SKP2: variants seen among roughly 807,000 people sequenced by gnomAD.
The protein encoded by SKP2 is S-phase kinase-associated protein 2.
Under a neutral mutation model 51.8 loss-of-function variants are expected in SKP2, and 16 were observed. That is an observed-to-expected ratio of 0.31 (90% CI 0.21 to 0.47). The LOEUF is 0.47. Ranked by LOEUF, SKP2 falls within the 20% of genes least tolerant of loss-of-function variation. The pLI is 1.00. For synonymous variants in SKP2, 176 were observed against 198.6 expected, an observed-to-expected ratio of 0.89 and a Z score of 0.96; for missense variants, 377 against 505.3, an observed-to-expected ratio of 0.75 and a Z score of 2.43.
chr5:36,182,328 A>G lies in SKP2; in HGVS notation c.*297A>G. 2 of 1,131,650 alleles carry G rather than the reference A, an allele frequency of 1.8e-6. No individual in the cohort carries two copies. Among genetic ancestry groups the G allele is most frequent in the Non-Finnish European group, 2.2e-6 (2 of 921,908 alleles). 70.1% of individuals were successfully genotyped at this position (1,131,650 alleles called of 1,614,324 possible). A position where few individuals can be genotyped will look rare whatever the true frequency, so the allele number is the denominator to read the frequency against. ...GAGCAAAATTTGAGCCACCTCTTCCAAGTGCCCTTCTTACTAAGTCTATTC... is the reference window on the plus strand; with the variant it reads ...GAGCAAAATTTGAGCCACCTCTTCCGAGTGCCCTTCTTACTAAGTCTATTC... On this transcript the variant is annotated 3_prime_UTR_variant, in exon 10 of 10. Transcript: ENST00000274255.
At chr5:36,166,009 CTG>C (rs933942131) in intron 3 of SKP2, among the ~76,000 whole-genome samples, 7 of 152,144 alleles carry the variant, frequency 4.6e-5, no homozygotes, top group African/African-American at 1.4e-4. Context: ...TGAACCATGA[CTG>C]TTGCTATTGA....
rs139117177 is a variant in SKP2, at chr5:36,163,784, C to T, written c.392+28C>T. 1.5e-4 allele frequency: 215 copies of T among 1,397,448 alleles called. No homozygotes were observed. In the African/African-American group the frequency reaches 2.1e-3, roughly 13 times the overall value. The allele number at this position is 1,397,448 out of a possible 1,614,324, so 86.6% of individuals were successfully genotyped here. On this transcript the variant is annotated intron_variant, in intron 3 of 9. Coordinates refer to ENST00000274255, the MANE Select transcript of SKP2 (RefSeq NM_005983.4). ...AAGTATTTTTCACCCCTTTGGCAAA[C>T]GTAGGGGAGGAAGAGGAGAGGAAGG... is the stretch of plus-strand genomic sequence containing the variant.
At chr5:36,163,306 A>G (rs1278680097) in intron 2 of SKP2, among the ~76,000 whole-genome samples, 1 of 152,172 alleles carries the variant, frequency 6.6e-6, no homozygotes, top group African/African-American at 2.4e-5. Flanking sequence ...TCTTCATGCC[A>G]CAGCCTCCGA....
intron 7 of SKP2, among the ~76,000 whole-genome samples, chr5:36,173,293 G>A (rs1579568519): frequency 6.6e-6 from 1 of 152,114 alleles, no homozygotes; most frequent in Non-Finnish European, 1.5e-5. Context: ...CAAATCTTTA[G>A]ATGCATTTCT....
chr5:36,167,412 G>A (rs1745321179), intron 4 of SKP2, among the ~76,000 whole-genome samples: 1 of 152,090 alleles, frequency 6.6e-6, no homozygotes, highest in African/African-American at 2.4e-5. Flanking sequence ...GTCGGTTCCT[G>A]GCTGCCACCT....
intron 7 of SKP2, among the ~76,000 whole-genome samples, chr5:36,175,802 C>T (rs1280222006): frequency 4.0e-5 from 6 of 151,758 alleles, no homozygotes; most frequent in Admixed American, 6.6e-5. Flanking sequence ...GTGTATTTCA[C>T]GGAATGGATG....
intron 6 of SKP2, among the ~76,000 whole-genome samples, chr5:36,191,650 T>C (rs10512643): frequency 0.93 from 142,119 of 152,140 alleles, 66,791 homozygotes; most frequent in Non-Finnish European, 0.98. Context: ...CCATCCACAA[T>C]GTGCAGGATA....
At position 36,180,986 on chromosome 5, in the gene SKP2, A is replaced by G. The variant is rs116416896; in HGVS notation, c.1062-832A>G. 6.5e-3 allele frequency among the ~76,000 whole-genome samples: 992 copies of G among 152,320 alleles called. 13 individuals are homozygous for G. Among genetic ancestry groups the G allele is most frequent in the African/African-American group, 0.023 (950 of 41,564 alleles). On this transcript the variant is annotated intron_variant, in intron 9 of 9. Transcript: ENST00000274255. Reference sequence around the variant, plus strand: ...CTAGGCACATAGATCTGAGTTAAGAAGGAAAAAATCATTACCAACACCAAA... The same window carrying G: ...CTAGGCACATAGATCTGAGTTAAGAGGGAAAAAATCATTACCAACACCAAA...
Position 36,171,651 on chromosome 5 carries a change from T to C in SKP2, c.819T>C (p.His273=), listed in dbSNP as rs144572232. The change falls in exon 7 of 10, where the codon CAT becomes CAC. Residue 273 remains histidine (H), a synonymous_variant. Transcript: ENST00000274255. ...GGTGTTTTGATTTCACTGAAAAGCATGTACAGGTGGCTGTTGCGCATGTGT... is the reference window on the plus strand; with the variant it reads ...GGTGTTTTGATTTCACTGAAAAGCACGTACAGGTGGCTGTTGCGCATGTGT... ...LSWCFDFTEK[H]VQVAVAHVSE... 1.4e-3 allele frequency: 2,287 copies of C among 1,613,832 alleles called. 2 individuals carry two copies. Among genetic ancestry groups the C allele is most frequent in the Non-Finnish European group, 1.6e-3 (1,896 of 1,179,742 alleles).
chr5:36,167,794 A>G (rs1022966328), intron 4 of SKP2, among the ~76,000 whole-genome samples: 3 of 151,954 alleles, frequency 2.0e-5, no homozygotes, highest in African/African-American at 4.8e-5. Context: ...AATTTTTTGT[A>G]TTTTTAGTAG....
Position 36,168,357 on chromosome 5 carries a change from A to G in SKP2, c.581A>G (p.Glu194Gly). The part of the protein sequence containing the change: ...QHMDLSNSVI[E>G]VSTLHGILSQ... Reference sequence around the variant, plus strand: ...ATGGACCTATCGAACTCAGTTATAGAAGTGTCCACCCTCCACGGCATACTG... The same window carrying G: ...ATGGACCTATCGAACTCAGTTATAGGAGTGTCCACCCTCCACGGCATACTG... The change falls in exon 5 of 10, where the codon GAA (glutamate) becomes GGA (glycine). Residue 194 changes from glutamate (E) to glycine (G), a missense_variant. This residue lies in a region of SKP2 where 262 missense variants were observed against 389.8 expected (regional missense o/e 0.67). Coordinates refer to ENST00000274255, the MANE Select transcript of SKP2 (RefSeq NM_005983.4). The G allele has an allele frequency of 1.2e-6, 2 of 1,614,118 alleles. No homozygotes were observed. Among genetic ancestry groups the G allele is most frequent in the South Asian group, 2.2e-5 (2 of 91,080 alleles).
intron 1 of SKP2, 22 bp downstream of exon 1, chr5:36,152,292 G>C: frequency 6.2e-7 from 1 of 1,611,012 alleles, no homozygotes; most frequent in Non-Finnish European, 8.5e-7. Context: ...GCAAAAAGGG[G>C]AAGAGCATGA....
chr5:36,182,293 A>G lies in SKP2; in HGVS notation c.*262A>G, dbSNP rs996323190. 5 of 1,216,104 alleles carry G rather than the reference A, an allele frequency of 4.1e-6. No individual in the cohort carries two copies. Among genetic ancestry groups the G allele is most frequent in the Non-Finnish European group, 3.1e-6 (3 of 973,954 alleles). 75.3% of individuals were successfully genotyped at this position (1,216,104 alleles called of 1,614,324 possible). A position where few individuals can be genotyped will look rare whatever the true frequency, so the allele number is the denominator to read the frequency against. On this transcript the variant is annotated 3_prime_UTR_variant, in exon 10 of 10. Transcript: ENST00000274255. The stretch of plus-strand genomic sequence containing the variant: ...AGGAGAGTGAGCCTATAATTTCAAG[A>G]TACCTTAAAGAGCAAAATTTGAGCC...
chr5:36,184,725 G>A (rs551005101), downstream of SKP2, among the ~76,000 whole-genome samples: 114 of 152,250 alleles, frequency 7.5e-4, no homozygotes, highest in African/African-American at 2.5e-3. Context: ...ATAAACATAC[G>A]TTTGCATGTG....
In SKP2 at chr5:36,152,142, G is replaced by C. The variant is rs1744743378; in HGVS notation, c.-121G>C. ...GATGGAACGTTGCTAGGCTTAGCGG[G>C]TCTGGCTGCTGGGGGCCCGAGCAGC... is the stretch of plus-strand genomic sequence containing the variant. On this transcript the variant is annotated 5_prime_UTR_variant, in exon 1 of 10. Transcript: ENST00000274255. 1.0e-6 allele frequency: 1 copy of C among 1,003,096 alleles called. No individual in the cohort carries two copies. The highest frequency in any genetic ancestry group is 1.6e-6 in the Non-Finnish European group (1 of 630,936). The allele number at this position is 1,003,096 out of a possible 1,614,324, so 62.1% of individuals were successfully genotyped here.
In SKP2 at chr5:36,182,143, C is replaced by A; in HGVS notation, c.*112C>A. ...TCTTGGTTTTCCCTTTGCCTTCATT[C>A]TGCAAGTATACTAGGGAGCCATTTG... is the stretch of plus-strand genomic sequence containing the variant. On this transcript the variant is annotated 3_prime_UTR_variant, in exon 10 of 10. Transcript: ENST00000274255. The A allele has an allele frequency of 6.7e-7, 1 of 1,481,774 alleles. No homozygotes were observed. Among genetic ancestry groups the A allele is most frequent in the Non-Finnish European group, 9.0e-7 (1 of 1,117,040 alleles). 91.8% of individuals were successfully genotyped at this position (1,481,774 alleles called of 1,614,324 possible). A position where few individuals can be genotyped will look rare whatever the true frequency, so the allele number is the denominator to read the frequency against.
At chr5:36,171,830 A>C in intron 7 of SKP2, 97 bp downstream of exon 7, 312 of 1,265,246 alleles carry the variant, frequency 2.5e-4, no homozygotes, top group Non-Finnish European at 3.2e-4. Context: ...AAGTTTTCTC[A>C]TTTAATCCAG....
chr5:36,171,505 G>A lies in SKP2; in HGVS notation c.771-98G>A, dbSNP rs1745471384. 3 of 1,095,064 alleles carry A rather than the reference G, an allele frequency of 2.7e-6. No individual in the cohort carries two copies. The African/African-American group carries it at 4.7e-5, about 17-fold the overall frequency. The allele number at this position is 1,095,064 out of a possible 1,614,324, so 67.8% of individuals were successfully genotyped here. Reference sequence around the variant, plus strand: ...AGGTGTTCTGTGCATGAAATGATAAGGAATCCATGGTTTTATATTTTCTTT... The same window carrying A: ...AGGTGTTCTGTGCATGAAATGATAAAGAATCCATGGTTTTATATTTTCTTT... On this transcript the variant is annotated intron_variant, in intron 6 of 9. Transcript: ENST00000274255.
intron 2 of SKP2, among the ~76,000 whole-genome samples, chr5:36,156,668 C>G (rs1334621539): frequency 2.0e-5 from 3 of 152,120 alleles, no homozygotes; most frequent in Non-Finnish European, 4.4e-5. Flanking sequence ...CCCCACCCCA[C>G]CCTTTAAACA....
Sources: gnomAD v4.1 joint callset for allele counts (sites outside exome capture counted in the v4.1 genomes callset) on GRCh38, gnomAD v4.1.1 for gene constraint, gnomAD v4.1.1 regional missense constraint, MANE v1.5 for transcripts, NCBI Gene and HGNC (gene_info 2026-07-23, HGNC 2026-07-21) for gene names.